NEGR1: variants seen among roughly 807,000 people sequenced by gnomAD.
The protein encoded by NEGR1 is neuronal growth regulator 1.
In NEGR1, 10 loss-of-function variants were observed where a neutral mutation model predicts 40.9. The observed-to-expected ratio is 0.24, with a 90% CI of 0.15 to 0.42. The LOEUF (loss-of-function observed/expected upper bound fraction) is 0.42, where lower values mean the gene tolerates loss of function less well. Among genes scored for constraint, NEGR1 ranks in the 10% least tolerant of loss-of-function variants. The probability of loss-of-function intolerance (pLI) is 1.00; values close to 1 mark genes in which losing one functional copy is unlikely to be tolerated. For missense variants in NEGR1, 352 were observed against 438.9 expected (o/e 0.80, Z 1.77); for synonymous variants, 185 against 166.8 (o/e 1.11, Z -0.84).
intron 2 of NEGR1, among the ~76,000 whole-genome samples, chr1:71,804,778 C>T (rs1338724959): frequency 6.6e-6 from 1 of 152,090 alleles, no homozygotes; most frequent in Non-Finnish European, 1.5e-5. Flanking sequence ...GTTTGTAGAG[C>T]ATGTGTGTTT....
At position 72,085,652 on chromosome 1, in the gene NEGR1, C is replaced by A. The variant is rs192550861; in HGVS notation, c.177-150341G>T. On this transcript the variant is annotated intron_variant, in intron 1 of 6. Transcript: ENST00000357731. ...ATAAATTATAAATATTAGTATTTCGCTCTTAAAATTTATGTTTCTTAAGAA... is the reference window on the plus strand; with the variant it reads ...ATAAATTATAAATATTAGTATTTCGATCTTAAAATTTATGTTTCTTAAGAA... Among the ~76,000 whole-genome samples the A allele has an allele frequency of 1.5e-4, 23 of 152,166 alleles. No homozygotes were observed. In the East Asian group the frequency reaches 2.3e-3, roughly 15 times the overall value.
intron 1 of NEGR1, among the ~76,000 whole-genome samples, chr1:71,983,060 A>C (rs1009445469): frequency 6.6e-6 from 1 of 152,158 alleles, no homozygotes; most frequent in Admixed American, 6.6e-5. Flanking sequence ...ATTTAAAATA[A>C]TAAATGTTCT....
At position 72,087,184 on chromosome 1, in the gene NEGR1, C is replaced by T. The variant is rs181104208; in HGVS notation, c.177-151873G>A. ...CCTGTAATCCCAGCACTTTGGGAGG[C>T]TGAGGTGGGGAACCATGAGTTCAGG... On this transcript the variant is annotated intron_variant, in intron 1 of 6. Transcript: ENST00000357731. Among the ~76,000 whole-genome samples, 271 of 152,186 alleles carry T rather than the reference C, an allele frequency of 1.8e-3. 3 individuals carry two copies. Among genetic ancestry groups the T allele is most frequent in the Non-Finnish European group, 2.5e-3 (173 of 67,992 alleles).
intron 2 of NEGR1, among the ~76,000 whole-genome samples, chr1:71,932,090 G>T (rs1173656294): frequency 6.6e-6 from 1 of 151,990 alleles, no homozygotes; most frequent in Non-Finnish European, 1.5e-5. Flanking sequence ...TACATAGGTT[G>T]CTCAGCTCCA....
chr1:72,190,230 TG>T (rs1652770861), intron 1 of NEGR1, among the ~76,000 whole-genome samples: 1 of 151,652 alleles, frequency 6.6e-6, no homozygotes, highest in African/African-American at 2.4e-5. Context: ...ACATATTTTC[TG>T]AAGAAAGTTA....
intron 6 of NEGR1, among the ~76,000 whole-genome samples, chr1:71,541,361 T>G (rs1330724935): frequency 1.3e-5 from 2 of 151,740 alleles, no homozygotes; most frequent in African/African-American, 4.8e-5. Flanking sequence ...TAGCCATGCT[T>G]AGGCCTTATT....
chr1:71,497,711 G>T (rs1367622821), intron 6 of NEGR1, among the ~76,000 whole-genome samples: 2 of 152,100 alleles, frequency 1.3e-5, no homozygotes, highest in East Asian at 1.9e-4. Context: ...AACTTAAAAG[G>T]CTTATTTAAT....
chr1:71,968,783 T>A (rs999310430), intron 1 of NEGR1, among the ~76,000 whole-genome samples: 1 of 151,214 alleles, frequency 6.6e-6, no homozygotes, highest in Non-Finnish European at 1.5e-5. Context: ...ATAGGTACTC[T>A]ACATGATGGC....
intron 6 of NEGR1, among the ~76,000 whole-genome samples, chr1:71,508,312 GAGAAA>G (rs1647049259): frequency 6.6e-6 from 1 of 152,132 alleles, no homozygotes; most frequent in Non-Finnish European, 1.5e-5. Flanking sequence ...TCAAGGGACT[GAGAAA>G]AGAGACCCCA....
Position 72,004,132 on chromosome 1 carries a change from T to A in NEGR1, c.177-68821A>T, listed in dbSNP as rs147584716. ...CTTAAGCCACTATTCTTTCTTTTTCTCTTCCCTTTGTCCAATTATATATTT... is the reference window on the plus strand; with the variant it reads ...CTTAAGCCACTATTCTTTCTTTTTCACTTCCCTTTGTCCAATTATATATTT... On this transcript the variant is annotated intron_variant, in intron 1 of 6. Transcript: ENST00000357731. Among the ~76,000 whole-genome samples, 533 of 152,168 alleles carry A rather than the reference T, an allele frequency of 3.5e-3. 3 individuals are homozygous for A. The highest frequency in any genetic ancestry group is 0.02 in the Middle Eastern group (6 of 294).
intron 3 of NEGR1, among the ~76,000 whole-genome samples, chr1:71,700,967 G>C (rs554837977): frequency 6.6e-6 from 1 of 152,090 alleles, no homozygotes; most frequent in Admixed American, 6.6e-5. Flanking sequence ...AGGAAGTAGA[G>C]CATGAGCCAA....
At chr1:71,418,013 A>G (rs186884912) in intron 6 of NEGR1, among the ~76,000 whole-genome samples, 1 of 151,924 alleles carries the variant, frequency 6.6e-6, no homozygotes, top group East Asian at 1.9e-4. Context: ...ATGCTTAAGT[A>G]TCTATACATG....
chr1:71,730,299 G>C (rs906685413), intron 3 of NEGR1, among the ~76,000 whole-genome samples: 29 of 151,976 alleles, frequency 1.9e-4, no homozygotes, highest in African/African-American at 6.8e-4. Context: ...AACAGGAAAT[G>C]ATTTGGAAAA....
intron 6 of NEGR1, among the ~76,000 whole-genome samples, chr1:71,524,315 A>AGT (rs60790381): frequency 0.073 from 10,262 of 140,544 alleles, 383 homozygotes; most frequent in East Asian, 0.13. Flanking sequence ...TTTAAATAGG[A>AGT]GTGTGTGTGT....
At chr1:71,961,212 C>T (rs1345351720) in intron 1 of NEGR1, among the ~76,000 whole-genome samples, 2 of 152,150 alleles carry the variant, frequency 1.3e-5, no homozygotes, top group Non-Finnish European at 2.9e-5. Context: ...CCATTAATAA[C>T]TACTTTCATT....
chr1:71,793,233 T>G (rs1657180571), intron 2 of NEGR1, among the ~76,000 whole-genome samples: 1 of 140,516 alleles, frequency 7.1e-6, no homozygotes, highest in Non-Finnish European at 1.5e-5. Flanking sequence ...CAGGCTGGAG[T>G]GCAGTGGCAC....
chr1:71,586,871 G>C (rs1377766586), intron 6 of NEGR1, among the ~76,000 whole-genome samples: 1 of 152,044 alleles, frequency 6.6e-6, no homozygotes, highest in Non-Finnish European at 1.5e-5. Flanking sequence ...GGCCTGTGTA[G>C]CTGGATCAAA....
intron 6 of NEGR1, among the ~76,000 whole-genome samples, chr1:71,475,247 T>A (rs912809391): frequency 2.0e-5 from 3 of 152,202 alleles, no homozygotes; most frequent in Middle Eastern, 3.4e-3. Flanking sequence ...AATATGCTTT[T>A]TAAAAAATGA....
intron 4 of NEGR1, among the ~76,000 whole-genome samples, chr1:71,675,668 G>A (rs1557608852): frequency 6.6e-6 from 1 of 152,058 alleles, no homozygotes; most frequent in African/African-American, 2.4e-5. Flanking sequence ...GTTAGAAACT[G>A]ACGTGTACTA....
Sources: gnomAD v4.1 joint callset for allele counts (sites outside exome capture counted in the v4.1 genomes callset) on GRCh38, gnomAD v4.1.1 for gene constraint, MANE v1.5 for transcripts, NCBI Gene and HGNC (gene_info 2026-07-23, HGNC 2026-07-21) for gene names.